Variants in DNER observed in about 807,000 individuals in gnomAD.
DNER encodes delta/notch like EGF repeat containing.
A neutral mutation model predicts 78.2 loss-of-function variants in DNER; 33 were observed. The observed-to-expected ratio is 0.42, with a 90% confidence interval of 0.32 to 0.56. DNER has a LOEUF of 0.56. Among genes scored for constraint, DNER ranks in the 20% least tolerant of loss-of-function variants. The pLI is 0.11. For missense variants in DNER, 918 were observed against 975.3 expected, an observed-to-expected ratio of 0.94 and a Z score of 0.78; for synonymous variants, 417 against 384.8, an observed-to-expected ratio of 1.08 and a Z score of -0.98.
intron 5 of DNER, among the ~76,000 whole-genome samples, chr2:229,521,565 A>C (rs1308077470): frequency 6.6e-6 from 1 of 152,244 alleles, no homozygotes; most frequent in Non-Finnish European, 1.5e-5. Flanking sequence ...GATTTGATTA[A>C]GCATAGGCGA....
chr2:229,652,428 CA>C (rs1457127857), intron 1 of DNER, among the ~76,000 whole-genome samples: 3 of 152,194 alleles, frequency 2.0e-5, no homozygotes, highest in Non-Finnish European at 2.9e-5. Flanking sequence ...GTGCATCTAT[CA>C]GAGCATCATA....
chr2:229,491,964 CACACACACACACAG>C (rs1695409847), intron 6 of DNER, among the ~76,000 whole-genome samples: 1 of 152,020 alleles, frequency 6.6e-6, no homozygotes, highest in Non-Finnish European at 1.5e-5. Flanking sequence ...CACACACACA[CACACACACACACAG>C]ACACACAGAC....
intron 1 of DNER, among the ~76,000 whole-genome samples, chr2:229,608,387 T>C (rs1697980759): frequency 6.6e-6 from 1 of 152,240 alleles, no homozygotes; most frequent in East Asian, 1.9e-4. Context: ...AACTATTTAC[T>C]CTCTGGCTGT....
intron 7 of DNER, 31 bp downstream of exon 7, chr2:229,477,109 A>C (rs770944920): frequency 1.3e-6 from 2 of 1,562,542 alleles, no homozygotes; most frequent in Admixed American, 1.7e-5. Context: ...AAATGAAAAA[A>C]GTTCTTTCTG....
At chr2:229,393,919 G>A (rs1270139906) in intron 10 of DNER, among the ~76,000 whole-genome samples, 3 of 152,120 alleles carry the variant, frequency 2.0e-5, no homozygotes, top group Non-Finnish European at 4.4e-5. Flanking sequence ...ATTTTAAGCA[G>A]TCTAACATAG....
At chr2:229,450,271 A>T (rs1425483484) in intron 7 of DNER, among the ~76,000 whole-genome samples, 3 of 152,198 alleles carry the variant, frequency 2.0e-5, no homozygotes, top group Non-Finnish European at 4.4e-5. Context: ...TGAGAACTTG[A>T]TGGAAAGAAT....
rs1698751836 is a variant in DNER, at chr2:229,648,083, C to T, written c.277-56195G>A. Among the ~76,000 whole-genome samples the T allele has an allele frequency of 2.0e-5, 3 of 152,086 alleles. 1 individual carries two copies. The highest frequency in any genetic ancestry group is 7.2e-5 in the African/African-American group (3 of 41,388). ...TTATACTGAAAAAAAATAAAGGAGCCAGCCACAGTTAGAAATGTATTAAGT... is the reference window on the plus strand; with the variant it reads ...TTATACTGAAAAAAAATAAAGGAGCTAGCCACAGTTAGAAATGTATTAAGT... On this transcript the variant is annotated intron_variant, in intron 1 of 12. Coordinates refer to ENST00000341772, the MANE Select transcript of DNER (RefSeq NM_139072.4).
chr2:229,392,738 T>C (rs1693044006), intron 10 of DNER, among the ~76,000 whole-genome samples: 1 of 152,030 alleles, frequency 6.6e-6, no homozygotes, highest in South Asian at 2.1e-4. Context: ...ATCCCTAGAG[T>C]AAGGCTACTC....
At chr2:229,420,395 TG>T (rs1693739947) in intron 8 of DNER, among the ~76,000 whole-genome samples, 1 of 152,246 alleles carries the variant, frequency 6.6e-6, no homozygotes, top group Admixed American at 6.5e-5. Flanking sequence ...TGCTGTTGAT[TG>T]TTCCTTTGTT....
intron 4 of DNER, among the ~76,000 whole-genome samples, chr2:229,557,148 T>C (rs1354121220): frequency 6.6e-6 from 1 of 152,208 alleles, no homozygotes; most frequent in Non-Finnish European, 1.5e-5. Flanking sequence ...ATAGAATTCA[T>C]TCAAAAGAAG....
At position 229,451,705 on chromosome 2, in the gene DNER, A is replaced by G. The variant is rs865997395; in HGVS notation, c.1262-4165T>C. Among the ~76,000 whole-genome samples, 63 of 152,214 alleles carry G rather than the reference A, an allele frequency of 4.1e-4. 1 individual carries two copies. Among genetic ancestry groups the G allele is most frequent in the African/African-American group, 1.4e-3 (60 of 41,452 alleles). On this transcript the variant is annotated intron_variant, in intron 7 of 12. Coordinates refer to ENST00000341772, the MANE Select transcript of DNER (RefSeq NM_139072.4). ...TGGGACACCAAGGCCAAGTGCTTACACGTCTCCTACACTGCACAGAAGAGA... is the reference window on the plus strand; with the variant it reads ...TGGGACACCAAGGCCAAGTGCTTACGCGTCTCCTACACTGCACAGAAGAGA...
rs539777425 is a variant in DNER at position 229,575,654 on chromosome 2, G to C, written c.847+10204C>G. On this transcript the variant is annotated intron_variant, in intron 4 of 12. Transcript: ENST00000341772. ...ACCTGCTCCAACACCACCGCAGCCTGGGAAGCCCATCCCAGCAGGGCCAAT... is the reference window on the plus strand; with the variant it reads ...ACCTGCTCCAACACCACCGCAGCCTCGGAAGCCCATCCCAGCAGGGCCAAT... Among the ~76,000 whole-genome samples, 8 of 152,236 alleles carry C rather than the reference G, an allele frequency of 5.3e-5. No homozygotes were observed. The South Asian group carries it at 1.2e-3, about 24-fold the overall frequency.
At chr2:229,533,933 A>C (rs1341817002) in intron 5 of DNER, among the ~76,000 whole-genome samples, 2 of 152,248 alleles carry the variant, frequency 1.3e-5, no homozygotes, top group Non-Finnish European at 2.9e-5. Context: ...TGATGACCAG[A>C]AGTGACTTTT....
chr2:229,415,999 A>C (rs1449774432), intron 9 of DNER, among the ~76,000 whole-genome samples: 3 of 152,240 alleles, frequency 2.0e-5, no homozygotes, highest in Non-Finnish European at 2.9e-5. Context: ...TAATCCCATT[A>C]CTGCCCTGTG....
At chr2:229,384,784 A>T (rs1692824804) in intron 11 of DNER, among the ~76,000 whole-genome samples, 1 of 152,112 alleles carries the variant, frequency 6.6e-6, no homozygotes, top group Non-Finnish European at 1.5e-5. Context: ...CTACAAACCA[A>T]AAAAAGCCCA....
At chr2:229,380,530 G>A (rs148214559) in intron 11 of DNER, among the ~76,000 whole-genome samples, 189 of 152,312 alleles carry the variant, frequency 1.2e-3, no homozygotes, top group African/African-American at 4.3e-3. Flanking sequence ...CAACCAGCAT[G>A]GTTAGCTCTC....
intron 7 of DNER, among the ~76,000 whole-genome samples, chr2:229,466,962 C>T (rs1156378011): frequency 1.3e-5 from 2 of 152,062 alleles, no homozygotes; most frequent in Admixed American, 6.6e-5. Context: ...CCTTTGAGCA[C>T]ATTTGAGCAT....
intron 1 of DNER, among the ~76,000 whole-genome samples, chr2:229,606,605 G>A (rs1008588187): frequency 1.3e-5 from 2 of 152,106 alleles, no homozygotes; most frequent in Non-Finnish European, 2.9e-5. Flanking sequence ...TAAAAAATGT[G>A]TTTAGGGCCA....
At chr2:229,686,750 A>T (rs958565848) in intron 1 of DNER, among the ~76,000 whole-genome samples, 2 of 152,234 alleles carry the variant, frequency 1.3e-5, no homozygotes, top group African/African-American at 4.8e-5. Flanking sequence ...CCAACAGTCC[A>T]GACACGAACC....
Sources: gnomAD v4.1 joint callset for allele counts (sites outside exome capture counted in the v4.1 genomes callset) on GRCh38, gnomAD v4.1.1 for gene constraint, MANE v1.5 for transcripts, NCBI Gene and HGNC (gene_info 2026-07-23, HGNC 2026-07-21) for gene names.